LINGO2: variants seen among roughly 807,000 people sequenced by gnomAD.
LINGO2 encodes leucine-rich repeat and immunoglobulin-like domain-containing nogo receptor-interacting protein 2.
A neutral mutation model predicts 30.6 loss-of-function variants in LINGO2; 14 were observed. The observed-to-expected ratio is 0.46, with a 90% CI of 0.30 to 0.72. LINGO2 has a LOEUF of 0.72. LINGO2 is among the 30% of genes least tolerant of loss of function. The probability of loss-of-function intolerance (pLI) is 0.07; values close to 1 mark genes in which losing one functional copy is unlikely to be tolerated. For synonymous variants in LINGO2, 317 were observed against 288.5 expected (o/e 1.10, Z -1.00); for missense variants, 729 against 751.7 (o/e 0.97, Z 0.35).
chr9:28,262,093 T>C (rs1376406560), intron 4 of LINGO2, among the ~76,000 whole-genome samples: 1 of 151,958 alleles, frequency 6.6e-6, no homozygotes, highest in Non-Finnish European at 1.5e-5. Context: ...CTATGTAAAA[T>C]CTTCCTTTTA....
rs148183181 is a variant in LINGO2 at position 28,591,910 on chromosome 9, T to C, written c.-365+78290A>G. 2.0e-3 allele frequency among the ~76,000 whole-genome samples: 297 copies of C among 152,108 alleles called. 2 individuals are homozygous for C. The highest frequency in any genetic ancestry group is 6.6e-3 in the African/African-American group (276 of 41,514). ...GGAGACAACTGCCTTTAATGGACCA[T>C]AAGGGCTTCACAATGAGCTTCCTGG... On this transcript the variant is annotated intron_variant, in intron 1 of 5. Transcript: ENST00000379992.
the LINGO2 span, among the ~76,000 whole-genome samples, chr9:28,715,213 T>C: frequency 6.6e-6 from 1 of 152,170 alleles, no homozygotes; most frequent in South Asian, 2.1e-4. Context: ...TTAGGATATA[T>C]TATTCTAGTA....
intron 4 of LINGO2, among the ~76,000 whole-genome samples, chr9:28,077,158 A>G (rs1417447914): frequency 2.0e-5 from 3 of 152,168 alleles, no homozygotes; most frequent in Non-Finnish European, 4.4e-5. Context: ...AAAAATAAAA[A>G]CCAGTCTGAA....
intron 4 of LINGO2, among the ~76,000 whole-genome samples, chr9:28,236,783 A>G (rs917610625): frequency 1.3e-5 from 2 of 152,134 alleles, no homozygotes; most frequent in Admixed American, 6.5e-5. Context: ...GTTAATCAGT[A>G]TAAAAATAAA....
the LINGO2 span, among the ~76,000 whole-genome samples, chr9:28,732,347 T>A: frequency 2.0e-5 from 3 of 150,660 alleles, 1 homozygote; most frequent in Non-Finnish European, 2.9e-5. Context: ...GGGGTTCACA[T>A]TATTCCAAAA....
intron 3 of LINGO2, among the ~76,000 whole-genome samples, chr9:28,342,945 T>G (rs933011308): frequency 5.3e-5 from 8 of 152,126 alleles, no homozygotes; most frequent in African/African-American, 1.9e-4. Context: ...GTGAGTGGCT[T>G]TATCATGAGA....
In LINGO2 at chr9:28,034,725, A is replaced by G. The variant is rs183625099; in HGVS notation, c.-86-22320T>C. On this transcript the variant is annotated intron_variant, in intron 4 of 5. Transcript: ENST00000379992. ...TCATGTTTTTCTTATGATTTCAAAA[A>G]ACTAAATTAAAATTGCTACTTATTT... is the stretch of plus-strand genomic sequence containing the variant. Among the ~76,000 whole-genome samples the G allele has an allele frequency of 9.1e-4, 139 of 152,346 alleles. 1 individual carries two copies. Among genetic ancestry groups the G allele is most frequent in the Non-Finnish European group, 2.6e-4 (18 of 68,038 alleles).
chr9:27,977,702 T>C (rs1298559581), intron 5 of LINGO2, among the ~76,000 whole-genome samples: 1 of 151,726 alleles, frequency 6.6e-6, no homozygotes, highest in Non-Finnish European at 1.5e-5. Context: ...CTCTAAACTT[T>C]TCTCCCCCCA....
intron 4 of LINGO2, among the ~76,000 whole-genome samples, chr9:28,123,989 G>T (rs1339561277): frequency 2.6e-5 from 4 of 152,082 alleles, no homozygotes; most frequent in Admixed American, 1.3e-4. Context: ...TATGGAAAAA[G>T]CACAATAATG....
chr9:28,057,761 A>T (rs1455532434), intron 4 of LINGO2, among the ~76,000 whole-genome samples: 2 of 151,918 alleles, frequency 1.3e-5, no homozygotes, highest in African/African-American at 4.8e-5. Context: ...CTTTTTAAGC[A>T]TATTAACTCA....
At chr9:28,826,044 T>C in the LINGO2 span, among the ~76,000 whole-genome samples, 1 of 152,174 alleles carries the variant, frequency 6.6e-6, no homozygotes, top group African/African-American at 2.4e-5. Flanking sequence ...ATAATTCAGT[T>C]ACCTTAACAG....
intron 4 of LINGO2, among the ~76,000 whole-genome samples, chr9:28,043,454 T>C (rs1361614631): frequency 6.6e-6 from 1 of 152,178 alleles, no homozygotes; most frequent in East Asian, 1.9e-4. Flanking sequence ...TCTGCAGTGG[T>C]TGAAGGTGAG....
chr9:28,709,064 GAT>G, the LINGO2 span, among the ~76,000 whole-genome samples: 178 of 152,148 alleles, frequency 1.2e-3, no homozygotes, highest in Admixed American at 6.5e-3. Flanking sequence ...TTCTAACACA[GAT>G]AGTCTGATGG....
chr9:28,117,166 T>A (rs1331882111), intron 4 of LINGO2, among the ~76,000 whole-genome samples: 3 of 151,062 alleles, frequency 2.0e-5, no homozygotes, highest in Admixed American at 1.3e-4. Context: ...TGGAATACTC[T>A]GCCATGTGAG....
chr9:28,299,468 T>G (rs902088541), intron 3 of LINGO2, among the ~76,000 whole-genome samples: 1 of 152,136 alleles, frequency 6.6e-6, no homozygotes, highest in African/African-American at 2.4e-5. Flanking sequence ...TCTATTCATT[T>G]AGTCTGATGA....
the LINGO2 span, among the ~76,000 whole-genome samples, chr9:28,995,911 C>A: frequency 8.4e-6 from 1 of 118,798 alleles, no homozygotes; most frequent in Non-Finnish European, 1.9e-5. Context: ...AGGAGATATA[C>A]CTAATGCTAA....
chr9:28,984,910 C>T, the LINGO2 span, among the ~76,000 whole-genome samples: 1 of 152,058 alleles, frequency 6.6e-6, no homozygotes, highest in South Asian at 2.1e-4. Flanking sequence ...TTGAAATGTA[C>T]AATACATTAC....
the LINGO2 span, among the ~76,000 whole-genome samples, chr9:28,916,198 CAG>C: frequency 3.9e-5 from 6 of 152,186 alleles, no homozygotes; most frequent in Non-Finnish European, 8.8e-5. Flanking sequence ...ACCGACATGA[CAG>C]ACAGCAGGCC....
rs111723233 is a variant in LINGO2, at chr9:28,503,098, G to A, written c.-364-27073C>T. 9.5e-3 allele frequency among the ~76,000 whole-genome samples: 1,451 copies of A among 152,038 alleles called. 27 individuals are homozygous for A. The highest frequency in any genetic ancestry group is 0.033 in the African/African-American group (1,385 of 41,502). ...TTGCATACTAAGGTATAATTTTTACGAATTTGACTCAAAAACCAGGCTGTT... is the reference window on the plus strand; with the variant it reads ...TTGCATACTAAGGTATAATTTTTACAAATTTGACTCAAAAACCAGGCTGTT... On this transcript the variant is annotated intron_variant, in intron 1 of 5. Transcript: ENST00000379992.
Sources: allele counts gnomAD v4.1 joint callset (sites outside exome capture counted in the v4.1 genomes callset), GRCh38; gene constraint gnomAD v4.1.1; transcripts MANE v1.5; gene names NCBI Gene and HGNC (gene_info 2026-07-23, HGNC 2026-07-21).